The following ACAD11 variants were observed in gnomAD, a reference collection of about 807,000 sequenced individuals.
ACAD11 encodes acyl-CoA dehydrogenase family member 11.
A neutral mutation model predicts 102.2 loss-of-function variants in ACAD11; 83 were observed. The observed-to-expected ratio is 0.81, with a 90% CI of 0.68 to 0.97. The LOEUF is 0.97. ACAD11 is among the 50% of genes least tolerant of loss of function. The pLI is 0.00. For missense variants in ACAD11, 901 were observed against 951.7 expected, an observed-to-expected ratio of 0.95 and a Z score of 0.70; for synonymous variants, 324 against 319.8, an observed-to-expected ratio of 1.01 and a Z score of -0.14.
At chr3:132,585,644 G>GA (rs1387366492) in intron 13 of ACAD11, among the ~76,000 whole-genome samples, 7 of 151,890 alleles carry the variant, frequency 4.6e-5, no homozygotes, top group Admixed American at 1.3e-4. Flanking sequence ...AAATTTACAA[G>GA]AAAAAAACAA....
intron 8 of ACAD11, among the ~76,000 whole-genome samples, chr3:132,627,331 G>A (rs1349776599): frequency 6.6e-6 from 1 of 152,126 alleles, no homozygotes; most frequent in African/African-American, 2.4e-5. Flanking sequence ...ATCCTTTAAT[G>A]TGTCTGTGTG....
At chr3:132,654,269 G>A (rs1460876991) in intron 1 of ACAD11, among the ~76,000 whole-genome samples, 4 of 152,156 alleles carry the variant, frequency 2.6e-5, no homozygotes, top group Non-Finnish European at 4.4e-5. Context: ...TTTTTGTCAC[G>A]TGTAAACATC....
chr3:132,610,224 G>C (rs1939069952), intron 11 of ACAD11, among the ~76,000 whole-genome samples: 2 of 152,170 alleles, frequency 1.3e-5, no homozygotes, highest in South Asian at 4.1e-4. Flanking sequence ...CACATTCAAA[G>C]CAGTATGTAG....
At chr3:132,638,000 T>A (rs1053004392) in intron 5 of ACAD11, among the ~76,000 whole-genome samples, 1 of 152,190 alleles carries the variant, frequency 6.6e-6, no homozygotes, top group African/African-American at 2.4e-5. Flanking sequence ...AACCACTGTT[T>A]AGGTTTTCGT....
At chr3:132,652,809 C>T (rs1427519273) in intron 1 of ACAD11, among the ~76,000 whole-genome samples, 1 of 152,112 alleles carries the variant, frequency 6.6e-6, no homozygotes. Context: ...TCAGCCTGAT[C>T]TCACCAGTGT....
intron 17 of ACAD11, among the ~76,000 whole-genome samples, chr3:132,566,544 G>A (rs1937218935): frequency 6.6e-6 from 1 of 152,006 alleles, no homozygotes; most frequent in Non-Finnish European, 1.5e-5. Context: ...TTAAGTTTCT[G>A]AAAAAATAGA....
At chr3:132,619,333 T>C (rs10935022) in intron 10 of ACAD11, 135 bp downstream of exon 10, 72,148 of 546,296 alleles carry the variant, frequency 0.13, 8,227 homozygotes, top group East Asian at 0.57. Context: ...ATTCTATTTA[T>C]TAACTTTCTT....
intron 13 of ACAD11, among the ~76,000 whole-genome samples, chr3:132,598,826 G>A (rs538826757): frequency 6.6e-6 from 1 of 152,354 alleles, no homozygotes; most frequent in Non-Finnish European, 1.5e-5. Context: ...ACCACATTAT[G>A]AAGGGAGCCT....
In ACAD11 at chr3:132,616,368, C is replaced by G. The variant is rs566684117; in HGVS notation, c.1414+2266G>C. On this transcript the variant is annotated intron_variant, in intron 11 of 19. Transcript: ENST00000264990. ...TGATAAAATAGTGGCAGAGCTGAAT[C>G]TGCAAGAGAAGTCTTTGGTAGGATT... Among the ~76,000 whole-genome samples, 24 of 152,272 alleles carry G rather than the reference C, an allele frequency of 1.6e-4. No individual in the cohort carries two copies. The East Asian group carries it at 4.0e-3, about 26-fold the overall frequency.
At chr3:132,603,888 ATC>A (rs1243734225) in intron 12 of ACAD11, among the ~76,000 whole-genome samples, 1 of 152,204 alleles carries the variant, frequency 6.6e-6, no homozygotes, top group African/African-American at 2.4e-5. Context: ...CTAGCTCTCA[ATC>A]ATAGCAATCT....
rs1328097803 is a variant in ACAD11 at position 132,626,786 on chromosome 3, T to C, written c.1102A>G (p.Thr368Ala). The stretch of plus-strand genomic sequence containing the variant: ...GTCTGTACAAACAACTGTCCAGTAG[T>C]ATCAATCTGTGGTAGTACAGTACTG... Reference protein sequence around the residue: ...TFSTVLPQIDTTGQLFVQTRK... With the variant: ...TFSTVLPQIDATGQLFVQTRK... The change falls in exon 9 of 20, where the codon ACT becomes GCT. Residue 368 changes from threonine (T) to alanine (A), a missense_variant. Thr to Ala is a moderately conservative substitution (Grantham distance 58). Coordinates refer to ENST00000264990, the MANE Select transcript of ACAD11 (RefSeq NM_032169.5). The C allele has an allele frequency of 6.2e-7, 1 of 1,613,676 alleles. No individual in the cohort carries two copies. Among genetic ancestry groups the C allele is most frequent in the Non-Finnish European group, 8.5e-7 (1 of 1,179,878 alleles).
At chr3:132,602,647 G>C (rs1938663296) in intron 13 of ACAD11, among the ~76,000 whole-genome samples, 1 of 152,036 alleles carries the variant, frequency 6.6e-6, no homozygotes, top group Non-Finnish European at 1.5e-5. Context: ...GTCAAAAATA[G>C]TATGCACTAA....
At chr3:132,595,554 T>A (rs1938264537) in intron 13 of ACAD11, among the ~76,000 whole-genome samples, 1 of 152,106 alleles carries the variant, frequency 6.6e-6, no homozygotes, top group Non-Finnish European at 1.5e-5. Flanking sequence ...AAACTATGCA[T>A]CTGACAAAGG....
At chr3:132,582,383 G>A (rs1316187537) in intron 13 of ACAD11, among the ~76,000 whole-genome samples, 3 of 151,538 alleles carry the variant, frequency 2.0e-5, no homozygotes, top group Admixed American at 6.6e-5. Context: ...GTTTGGATGT[G>A]GAGACATGGG....
chr3:132,630,378 C>T, intron 7 of ACAD11, 59 bp downstream of exon 7: 5 of 1,488,394 alleles, frequency 3.4e-6, no homozygotes, highest in Non-Finnish European at 4.5e-6. Context: ...GACTGGAAAA[C>T]ATTGTCAACA....
intron 13 of ACAD11, among the ~76,000 whole-genome samples, chr3:132,597,744 T>C (rs1938378249): frequency 6.6e-6 from 1 of 152,082 alleles, no homozygotes; most frequent in Non-Finnish European, 1.5e-5. Context: ...TAAGATTAAT[T>C]CTTACTTAAA....
At chr3:132,619,445 T>C (rs1454506436) in intron 10 of ACAD11, 23 bp downstream of exon 10, 22 of 1,526,324 alleles carry the variant, frequency 1.4e-5, no homozygotes, top group Non-Finnish European at 1.9e-5. Context: ...ATATGAATTT[T>C]CTAGCGTTAA....
intron 13 of ACAD11, among the ~76,000 whole-genome samples, chr3:132,580,201 AT>A (rs1937578377): frequency 6.6e-6 from 1 of 152,078 alleles, no homozygotes; most frequent in Non-Finnish European, 1.5e-5. Flanking sequence ...AAATGATCGG[AT>A]TCTTTTTTCT....
chr3:132,627,973 G>A (rs1247439520), intron 8 of ACAD11, among the ~76,000 whole-genome samples: 1 of 152,138 alleles, frequency 6.6e-6, no homozygotes, highest in African/African-American at 2.4e-5. Flanking sequence ...TTCATGAAAT[G>A]TAACAGTGGA....
Sources: allele counts gnomAD v4.1 joint callset (sites outside exome capture counted in the v4.1 genomes callset), GRCh38; gene constraint gnomAD v4.1.1; transcripts MANE v1.5; gene names NCBI Gene and HGNC (gene_info 2026-07-23, HGNC 2026-07-21).